Variants in CTBP2 observed in about 807,000 individuals in gnomAD.
CTBP2 encodes C-terminal binding protein 2, also known as C-terminal-binding protein 2.
In CTBP2, 30 loss-of-function variants were observed where a neutral mutation model predicts 80.3. That is an observed-to-expected ratio of 0.37 (90% confidence interval 0.28 to 0.51). CTBP2 has a LOEUF of 0.51. Among genes scored for constraint, CTBP2 ranks in the 20% least tolerant of loss-of-function variants. CTBP2 has a pLI of 0.93. For missense variants in CTBP2, 1,212 were observed against 1,375.3 expected (o/e 0.88, Z 1.88); for synonymous variants, 594 against 587.4 (o/e 1.01, Z -0.16).
At chr10:125,110,275 C>T (rs1416723110) in intron 2 of CTBP2, among the ~76,000 whole-genome samples, 1 of 152,184 alleles carries the variant, frequency 6.6e-6, no homozygotes, top group Non-Finnish European at 1.5e-5. Context: ...AGATTAAAAT[C>T]AATTCCATCA....
chr10:125,160,756 C>G (rs1489753958), upstream of CTBP2: 1 of 129,210 alleles, frequency 7.7e-6, no homozygotes, highest in Non-Finnish European at 1.7e-5. Flanking sequence ...CCCGGCCCCG[C>G]GCCCTCCCGC....
At chr10:125,077,947 G>A (rs903906116) in intron 2 of CTBP2, among the ~76,000 whole-genome samples, 1 of 152,170 alleles carries the variant, frequency 6.6e-6, no homozygotes, top group East Asian at 1.9e-4. Flanking sequence ...GATGGGGGGA[G>A]GTGGGGGCTG....
At chr10:125,115,430 G>C (rs1451323746) in intron 1 of CTBP2, among the ~76,000 whole-genome samples, 2 of 152,194 alleles carry the variant, frequency 1.3e-5, no homozygotes, top group African/African-American at 4.8e-5. Context: ...AAAGAACAAG[G>C]AGTTAGCAAG....
chr10:125,122,025 G>C (rs547568342), intron 1 of CTBP2, among the ~76,000 whole-genome samples: 2 of 152,294 alleles, frequency 1.3e-5, no homozygotes, highest in East Asian at 3.9e-4. Context: ...AGACCTTCCA[G>C]TCCTGGCTCC....
intron 1 of CTBP2, among the ~76,000 whole-genome samples, chr10:125,113,839 C>T (rs1437867623): frequency 3.3e-5 from 5 of 152,120 alleles, no homozygotes; most frequent in East Asian, 1.9e-4. Flanking sequence ...AATTTCAAGC[C>T]GGGCGTTCAA....
chr10:125,115,766 C>G (rs1037214036), intron 1 of CTBP2, among the ~76,000 whole-genome samples: 1 of 152,124 alleles, frequency 6.6e-6, no homozygotes, highest in African/African-American at 2.4e-5. Flanking sequence ...GTTAGGCATC[C>G]CAAGCGTTCC....
chr10:125,094,954 T>C (rs1379429100), intron 2 of CTBP2, among the ~76,000 whole-genome samples: 2 of 150,334 alleles, frequency 1.3e-5, no homozygotes, highest in Admixed American at 1.3e-4. Flanking sequence ...ACGACGAGCA[T>C]GGGGGTGGGC....
rs72828989 is a variant in CTBP2 at position 124,998,193 on chromosome 10, C to T, written c.1979-23G>A. 156,886 of 1,582,628 alleles carry T rather than the reference C, an allele frequency of 0.099. 8,828 individuals carry two copies. The highest frequency in any genetic ancestry group is 0.2 in the Admixed American group (10,733 of 53,830). On this transcript the variant is annotated intron_variant, in intron 3 of 8. Transcript: ENST00000309035. ...TTCCTGAAAGGGATGAGGCCAAGGC[C>T]GGAGATGAGAAAACCTCAAGATCAG... is the stretch of plus-strand genomic sequence containing the variant.
chr10:125,160,620 C>T (rs1861784409), upstream of CTBP2: 1 of 117,202 alleles, frequency 8.5e-6, no homozygotes, highest in Non-Finnish European at 1.8e-5. Flanking sequence ...CCCTCCGCTC[C>T]CCTCCCCTCC....
intron 3 of CTBP2, 39 bp downstream of exon 3, chr10:125,038,958 C>CTACG (rs1459929378): frequency 6.2e-7 from 1 of 1,601,966 alleles, no homozygotes; most frequent in Admixed American, 1.7e-5. Context: ...GAGTGAGGGA[C>CTACG]TACGTATGTT....
intron 4 of CTBP2, among the ~76,000 whole-genome samples, chr10:124,995,108 G>A (rs999769932): frequency 6.6e-6 from 1 of 152,166 alleles, no homozygotes; most frequent in Non-Finnish European, 1.5e-5. Context: ...TGCTCTCAAT[G>A]TCACAGGGAG....
upstream of CTBP2, among the ~76,000 whole-genome samples, chr10:125,030,629 T>G (rs1958075986): frequency 6.6e-6 from 1 of 152,242 alleles, no homozygotes; most frequent in Non-Finnish European, 1.5e-5. Context: ...TGGGGTCTAA[T>G]TCTCACTTTT....
At chr10:125,031,106 C>T (rs1490706752), upstream of CTBP2, among the ~76,000 whole-genome samples, 1 of 152,160 alleles carries the variant, frequency 6.6e-6, no homozygotes, top group Non-Finnish European at 1.5e-5. Flanking sequence ...CTATGGCATA[C>T]CCATTTCCTG....
chr10:124,994,317 C>G (rs1054392044), intron 5 of CTBP2, 152 bp downstream of exon 7: 3 of 799,972 alleles, frequency 3.8e-6, no homozygotes. Context: ...AGGGGCTTCA[C>G]GTGGCTTGTC....
Position 125,087,660 on chromosome 10 carries a change from C to T in CTBP2, c.-102+23330G>A, listed in dbSNP as rs112810511. On this transcript the variant is annotated intron_variant, in intron 2 of 10. Transcript: ENST00000337195. ...CAGTTTGACCAACAATCAGACCCCA[C>T]ATCTAGGAGTGTGCTGAATAACTCA... Among the ~76,000 whole-genome samples, 1,038 of 152,316 alleles carry T rather than the reference C, an allele frequency of 6.8e-3. 9 individuals are homozygous for T. Among genetic ancestry groups the T allele is most frequent in the African/African-American group, 0.024 (979 of 41,564 alleles).
intron 1 of CTBP2, among the ~76,000 whole-genome samples, chr10:125,150,807 T>C (rs1245372248): frequency 6.7e-6 from 1 of 149,618 alleles, no homozygotes; most frequent in Non-Finnish European, 1.5e-5. Flanking sequence ...TGTTTTACAT[T>C]CACTGCACTT....
chr10:125,065,974 G>T (rs978961432), intron 2 of CTBP2, among the ~76,000 whole-genome samples: 1 of 151,686 alleles, frequency 6.6e-6, no homozygotes. Flanking sequence ...GGTGGCATGC[G>T]CCTGTAATCC....
At chr10:125,080,546 AAC>A (rs746539110) in intron 2 of CTBP2, among the ~76,000 whole-genome samples, 1 of 152,210 alleles carries the variant, frequency 6.6e-6, no homozygotes, top group African/African-American at 2.4e-5. Flanking sequence ...CATCATTGGA[AAC>A]ACAATCTCCT....
At chr10:125,022,165 G>A (rs1443439366) in intron 1 of CTBP2, among the ~76,000 whole-genome samples, 1 of 152,068 alleles carries the variant, frequency 6.6e-6, no homozygotes, top group Admixed American at 6.5e-5. Context: ...TGGCTGCGGT[G>A]CTGAGCTCTG....
Sources: allele counts gnomAD v4.1 joint callset (sites outside exome capture counted in the v4.1 genomes callset), GRCh38; gene constraint gnomAD v4.1.1; transcripts MANE v1.5; gene names NCBI Gene and HGNC (gene_info 2026-07-23, HGNC 2026-07-21).